The following ERMN variants were observed in gnomAD, a reference collection of about 807,000 sequenced individuals.
ERMN encodes the protein ermin, ERM-like protein.
In ERMN, 17 loss-of-function variants were observed where a neutral mutation model predicts 21.4. The observed-to-expected ratio is 0.80, with a 90% CI of 0.54 to 1.19. ERMN has a LOEUF of 1.19. Among genes scored for constraint, ERMN ranks in the 50% most tolerant of loss-of-function variants. The pLI is 0.00. For synonymous variants in ERMN, 115 were observed against 111.9 expected, an observed-to-expected ratio of 1.03 and a Z score of -0.17; for missense variants, 348 against 331.6, an observed-to-expected ratio of 1.05 and a Z score of -0.38.
chr2:157,322,691 T>G (rs543424602), intron 2 of ERMN, among the ~76,000 whole-genome samples: 2 of 152,362 alleles, frequency 1.3e-5, no homozygotes, highest in Admixed American at 1.3e-4. Context: ...TTCTCTTATT[T>G]TTTTGTTGTT....
At chr2:157,327,086 C>A (rs1423558228), upstream of ERMN, 1 of 149,538 alleles carries the variant, frequency 6.7e-6, no homozygotes, top group Non-Finnish European at 1.5e-5. Flanking sequence ...TATACACATA[C>A]ATAACAAGAA....
intron 2 of ERMN, among the ~76,000 whole-genome samples, 160 bp from the exon 3 acceptor site, chr2:157,321,951 C>T (rs1459170419): frequency 1.3e-5 from 2 of 152,150 alleles, no homozygotes; most frequent in Non-Finnish European, 2.9e-5. Flanking sequence ...CACAAACAGG[C>T]TACACAGCCA....
At chr2:157,327,608 C>G, upstream of ERMN, 1 of 673,220 alleles carries the variant, frequency 1.5e-6, no homozygotes, top group Non-Finnish European at 2.7e-6. Context: ...GAGTTTGCAG[C>G]ACAGATGAAG....
chr2:157,324,805 T>C, intron 1 of ERMN, 43 bp from the exon 2 acceptor site: 1 of 1,378,186 alleles, frequency 7.3e-7, no homozygotes, highest in Non-Finnish European at 1.0e-6. Context: ...ATTTAAAATA[T>C]TTATTGTTCA....
chr2:157,321,693 C>G lies in ERMN; in HGVS notation c.433G>C (p.Glu145Gln), dbSNP rs771004596. The G allele has an allele frequency of 6.2e-7, 1 of 1,614,044 alleles. No homozygotes were observed. Among genetic ancestry groups the G allele is most frequent in the East Asian group, 2.2e-5 (1 of 44,870 alleles). ...TGGTGACCTTTGTTCTTCCTGTCCT[C>G]ATCTTCTTCCTCTTTGAGAGGCTGC... ...TEQPLKEEED[E>Q]DRKNKGHQAA... Residue 145 changes from glutamate to glutamine, a missense_variant, in exon 3 of 3, where the codon GAG becomes CAG. By Grantham distance (29) the Glu-to-Gln change is conservative. Transcript: ENST00000410096.
intron 2 of ERMN, 150 bp downstream of exon 2, chr2:157,324,520 A>G: frequency 4.7e-6 from 3 of 643,472 alleles, no homozygotes; most frequent in Non-Finnish European, 8.3e-6. Context: ...ATAAGTTAAG[A>G]CTCTCTTATC....
At position 157,321,499 on chromosome 2, in the gene ERMN, T is replaced by G; in HGVS notation, c.627A>C (p.Lys209Asn). 1 of 1,614,096 alleles carries G rather than the reference T, an allele frequency of 6.2e-7. No homozygotes were observed. Among genetic ancestry groups the G allele is most frequent in the South Asian group, 1.1e-5 (1 of 91,078 alleles). Residue 209 changes from lysine (K) to asparagine (N), a missense_variant, in exon 3 of 3, where the codon AAA (lysine) becomes AAC (asparagine). Lys to Asn is a moderately conservative substitution (Grantham distance 94). Transcript: ENST00000410096. ...CTTTAAATTGAGAAACCTCTTCATG[T>G]TTTTTCTTAAATTCTATCACTCGAA... is the stretch of plus-strand genomic sequence containing the variant. ...DEVRVIEFKK[K>N]HEEVSQFKEE...
rs1683915528 is a variant in ERMN at position 157,321,790 on chromosome 2, C to T, written c.336G>A (p.Gly112=). ...TSADEMTFRE[G]HQWEKIPLSG... is the part of the protein sequence containing the mutation. ...TCAGAGGAATCTTCTCCCACTGATG[C>T]CCTGTAGCAAAATCAATTGGTAGAT... is the stretch of plus-strand genomic sequence containing the variant. The change falls in exon 3 of 3, where the codon GGG becomes GGA. Residue 112 remains glycine (G), a splice_region_variant and synonymous_variant. Transcript: ENST00000410096. The T allele has an allele frequency of 6.3e-7, 1 of 1,598,612 alleles. No homozygotes were observed. The highest frequency in any genetic ancestry group is 1.1e-5 in the South Asian group (1 of 89,284).
In ERMN at chr2:157,321,206, C is replaced by T. The variant is rs1188896864; in HGVS notation, c.*65G>A. 2 of 1,534,174 alleles carry T rather than the reference C, an allele frequency of 1.3e-6. No homozygotes were observed. The highest frequency in any genetic ancestry group is 1.3e-5 in the South Asian group (1 of 77,404). ...AACTCAAATAAGGCATAGAAATATG[C>T]ACCCTGGGGCAATAGAATTAGCTTT... On this transcript the variant is annotated 3_prime_UTR_variant, in exon 3 of 3. Transcript: ENST00000410096.
In ERMN at chr2:157,324,109, C is replaced by T. The variant is rs1214997921; in HGVS notation, c.334+561G>A. The stretch of plus-strand genomic sequence containing the variant: ...TACTAAAAATACACACACACACACA[C>T]ACACACACACAAAATAGCTGGGCGT... On this transcript the variant is annotated intron_variant, in intron 2 of 2. Transcript: ENST00000410096. 3 of 247,452 alleles carry T rather than the reference C, an allele frequency of 1.2e-5. 1 individual carries two copies. The highest frequency in any genetic ancestry group is 7.3e-5 in the South Asian group (2 of 27,498). 15.3% of individuals were successfully genotyped at this position (247,452 alleles called of 1,614,324 possible).
At position 157,321,520 on chromosome 2, in the gene ERMN, T is replaced by A. The variant is rs1026596626; in HGVS notation, c.606A>T (p.Arg202=). Residue 202 remains arginine, a synonymous_variant, in exon 3 of 3, where the codon CGA becomes CGT. Transcript: ENST00000410096. ...DNCNNDEDEV[R]VIEFKKKHEE... is the part of the protein sequence containing the mutation. ...CATGTTTTTTCTTAAATTCTATCAC[T>A]CGAACTTCATCTTCATCATTATTGC... is the stretch of plus-strand genomic sequence containing the variant. 1.2e-6 allele frequency: 2 copies of A among 1,613,936 alleles called. No individual in the cohort carries two copies. The highest frequency in any genetic ancestry group is 2.7e-5 in the African/African-American group (2 of 74,900).
At position 157,325,394 on chromosome 2, in the gene ERMN, C is replaced by T. The variant is rs1330824313; in HGVS notation, c.241+8G>A. 1 of 1,613,258 alleles carries T rather than the reference C, an allele frequency of 6.2e-7. No individual in the cohort carries two copies. On this transcript the variant is annotated splice_region_variant and intron_variant, in intron 1 of 2. Coordinates refer to ENST00000410096, the MANE Select transcript of ERMN (RefSeq NM_020711.3). The stretch of plus-strand genomic sequence containing the variant: ...ACAAGAAAATTAAGGAGAAGGGAAA[C>T]ACTTTACCTTTTAGCATTTTGTCCT...
intron 2 of ERMN, among the ~76,000 whole-genome samples, chr2:157,322,250 A>ACG (rs1028171747): frequency 3.1e-4 from 40 of 130,064 alleles, no homozygotes; most frequent in South Asian, 9.2e-4. Flanking sequence ...ACACACGCAC[A>ACG]CACACACACA....
At position 157,321,187 on chromosome 2, in the gene ERMN, A is replaced by G; in HGVS notation, c.*84T>C. On this transcript the variant is annotated 3_prime_UTR_variant, in exon 3 of 3. Transcript: ENST00000410096. ...CCACCTCCCTCCAAGTGATAACTCA[A>G]ATAAGGCATAGAAATATGCACCCTG... 1.3e-6 allele frequency: 2 copies of G among 1,509,610 alleles called. No homozygotes were observed. Among genetic ancestry groups the G allele is most frequent in the Non-Finnish European group, 1.8e-6 (2 of 1,137,156 alleles). 93.5% of individuals were successfully genotyped at this position (1,509,610 alleles called of 1,614,324 possible). A position where few individuals can be genotyped will look rare whatever the true frequency, so the allele number is the denominator to read the frequency against.
Position 157,325,580 on chromosome 2 carries a change from G to T in ERMN, c.63C>A (p.Asn21Lys). 1 of 1,614,114 alleles carries T rather than the reference G, an allele frequency of 6.2e-7. No individual in the cohort carries two copies. Among genetic ancestry groups the T allele is most frequent in the Non-Finnish European group, 8.5e-7 (1 of 1,180,020 alleles). ...TGATTTTAGTGATTGTTTGTTGACCGTTTTCAGGTGGTTTATCCCCATTAC... is the reference window on the plus strand; with the variant it reads ...TGATTTTAGTGATTGTTTGTTGACCTTTTTCAGGTGGTTTATCCCCATTAC... ...AECNGDKPPE[N>K]GQQTITKISE... Residue 21 changes from asparagine to lysine, a missense_variant, in exon 1 of 3, where the codon AAC (asparagine) becomes AAA (lysine). Asn to Lys is a moderately conservative substitution (Grantham distance 94). Transcript: ENST00000410096.
At position 157,324,757 on chromosome 2, in the gene ERMN, G is replaced by C. The variant is rs769515247; in HGVS notation, c.247C>G (p.Pro83Ala). The C allele has an allele frequency of 2.5e-6, 4 of 1,599,666 alleles. No individual in the cohort carries two copies. Among genetic ancestry groups the C allele is most frequent in the Non-Finnish European group, 3.4e-6 (4 of 1,173,222 alleles). Residue 83 changes from proline (P) to alanine (A), a missense_variant, in exon 2 of 3, where the codon CCA becomes GCA. Pro to Ala is a conservative substitution (Grantham distance 27, BLOSUM62 -1). Coordinates refer to ENST00000410096, the MANE Select transcript of ERMN (RefSeq NM_020711.3). ...SMEDKMLKEN[P>A]EEKLFIVHKA... ...TGAACAATAAAGAGTTTCTCTTCTG[G>C]GTTTTCTAGGAAAAAAATATAAAAT...
chr2:157,321,148 AAG>A lies in ERMN; in HGVS notation c.*121_*122del, dbSNP rs1683880465. The stretch of plus-strand genomic sequence containing the variant: ...ATTTCCACATTATTCTACAGTGAAA[AAG>A]AGAGTCAACTTCCACCTCCCTCCAA... On this transcript the variant is annotated 3_prime_UTR_variant, in exon 3 of 3. Transcript: ENST00000410096. 2.2e-6 allele frequency: 3 copies of A among 1,390,524 alleles called. No individual in the cohort carries two copies. Among genetic ancestry groups the A allele is most frequent in the South Asian group, 1.4e-5 (1 of 69,562 alleles). The allele number at this position is 1,390,524 out of a possible 1,614,324, so 86.1% of individuals were successfully genotyped here.
chr2:157,325,191 G>C lies in ERMN; in HGVS notation c.241+211C>G, dbSNP rs78805144. 6,286 of 696,198 alleles carry C rather than the reference G, an allele frequency of 9.0e-3. 266 individuals carry two copies. The African/African-American group carries it at 0.095, about 11-fold the overall frequency. 43.1% of individuals were successfully genotyped at this position (696,198 alleles called of 1,614,324 possible). The stretch of plus-strand genomic sequence containing the variant: ...TTCTAGTGAAAAAAACTCAGGCTTC[G>C]GGAGACAGAAAGTTGTCTGGGGTCA... On this transcript the variant is annotated intron_variant, in intron 1 of 2. Coordinates refer to ENST00000410096, the MANE Select transcript of ERMN (RefSeq NM_020711.3).
chr2:157,326,934 C>A (rs1684081311), upstream of ERMN, among the ~76,000 whole-genome samples: 1 of 152,068 alleles, frequency 6.6e-6, no homozygotes, highest in Non-Finnish European at 1.5e-5. Flanking sequence ...TCTGTTTCAC[C>A]AACTGCAAAC....
Sources: gnomAD v4.1 joint callset for allele counts (sites outside exome capture counted in the v4.1 genomes callset) on GRCh38, gnomAD v4.1.1 for gene constraint, MANE v1.5 for transcripts, NCBI Gene and HGNC (gene_info 2026-07-23, HGNC 2026-07-21) for gene names.